The following PLEKHG3 variants were observed in gnomAD, a reference collection of about 807,000 sequenced individuals.
PLEKHG3 encodes the protein pleckstrin homology domain-containing family G member 3.
In PLEKHG3, 62 loss-of-function variants were observed where a neutral mutation model predicts 94.9. That is an observed-to-expected ratio of 0.65 (90% CI 0.53 to 0.81). The LOEUF is 0.81. Among genes scored for constraint, PLEKHG3 ranks in the 30% least tolerant of loss-of-function variants. The pLI is 0.00. For synonymous variants in PLEKHG3, 614 were observed against 654.0 expected, an observed-to-expected ratio of 0.94 and a Z score of 0.93; for missense variants, 1,461 against 1,619.3, an observed-to-expected ratio of 0.90 and a Z score of 1.68.
chr14:64,715,328 C>G lies in PLEKHG3; in HGVS notation c.-40+10624C>G, dbSNP rs1286865392. On this transcript the variant is annotated intron_variant, in intron 1 of 16. Coordinates refer to ENST00000247226, the MANE Select transcript of PLEKHG3 (RefSeq NM_001308147.2). The surrounding 1 kb of genome is among the most constrained non-coding windows in gnomAD (Gnocchi z 4.4). The stretch of plus-strand genomic sequence containing the variant: ...AGGTTGTGGAGAGAATGGTGAAAGG[C>G]ACAGGGAGTGTGGATTCCAGCAAAC... Among the ~76,000 whole-genome samples, 1 of 152,174 alleles carries G rather than the reference C, an allele frequency of 6.6e-6. No homozygotes were observed. Among genetic ancestry groups the G allele is most frequent in the Non-Finnish European group, 1.5e-5 (1 of 68,040 alleles).
chr14:64,732,896 A>T lies in PLEKHG3; in HGVS notation c.1340A>T (p.Gln447Leu). ...ACCAATGTGCGCCAGGGGCGCCGGC[A>T]ATCTGGTAAGAGAAGGGCTGTGGAG... The part of the protein sequence containing the change: ...VSTNVRQGRR[Q>L]SEPTKHLLRQ... The change falls in exon 12 of 17, where the codon CAA becomes CTA. Residue 447 changes from glutamine to leucine, a missense_variant. Transcript: ENST00000247226. This position sits in a 1 kb window ranked among gnomAD's most constrained non-coding sequence, Gnocchi z 4.9. 1 of 1,599,162 alleles carries T rather than the reference A, an allele frequency of 6.3e-7. No individual in the cohort carries two copies. The highest frequency in any genetic ancestry group is 8.5e-7 in the Non-Finnish European group (1 of 1,171,288).
Position 64,741,678 on chromosome 14 carries a change from A to G in PLEKHG3, c.2161A>G (p.Lys721Glu), listed in dbSNP as rs779577735. The stretch of plus-strand genomic sequence containing the variant: ...AGACCGGCTGTTGCTAGACAAGATT[A>G]AGAGCTATTATGAAAATGCAGAACA... Reference protein sequence around the residue: ...TRDRLLLDKIKSYYENAEHHD... With the variant: ...TRDRLLLDKIESYYENAEHHD... Residue 721 changes from lysine to glutamate, a missense_variant, in exon 16 of 17, where the codon AAG becomes GAG. Lys to Glu is a moderately conservative substitution (Grantham distance 56, BLOSUM62 1). Coordinates refer to ENST00000247226, the MANE Select transcript of PLEKHG3 (RefSeq NM_001308147.2). 1.1e-5 allele frequency: 18 copies of G among 1,613,048 alleles called. No homozygotes were observed. Among genetic ancestry groups the G allele is most frequent in the Non-Finnish European group, 1.5e-5 (18 of 1,180,038 alleles).
rs150951361 is a variant in PLEKHG3 at position 64,742,161 on chromosome 14, C to G, written c.2644C>G (p.Arg882Gly). Reference protein sequence around the residue: ...TEGRSPAHLARELKELVKELS... With the variant: ...TEGRSPAHLAGELKELVKELS... ...GGGGCGCAGCCCGGCCCACCTGGCC[C>G]GGGAGCTGAAAGAGCTGGTGAAGGA... is the stretch of plus-strand genomic sequence containing the variant. Residue 882 changes from arginine to glycine, a missense_variant, in exon 16 of 17, where the codon CGG (arginine) becomes GGG (glycine). Transcript: ENST00000247226. 1.2e-3 allele frequency: 1,856 copies of G among 1,612,140 alleles called. 1 individual carries two copies. The highest frequency in any genetic ancestry group is 1.4e-3 in the Non-Finnish European group (1,635 of 1,179,988).
At position 64,723,588 on chromosome 14, in the gene PLEKHG3, C is replaced by T. The variant is rs2081302212; in HGVS notation, c.-39-4005C>T. 6.6e-6 allele frequency among the ~76,000 whole-genome samples: 1 copy of T among 152,190 alleles called. No individual in the cohort carries two copies. Among genetic ancestry groups the T allele is most frequent in the Admixed American group, 6.5e-5 (1 of 15,308 alleles). On this transcript the variant is annotated intron_variant, in intron 1 of 16. Coordinates refer to ENST00000247226, the MANE Select transcript of PLEKHG3 (RefSeq NM_001308147.2). This position sits in a 1 kb window ranked among gnomAD's most constrained non-coding sequence, Gnocchi z 4.5. ...CGATCTCAGCTCACTGAAACATCTGCCTTCCAGGTTCAAGCGATTCTTCTG... is the reference window on the plus strand; with the variant it reads ...CGATCTCAGCTCACTGAAACATCTGTCTTCCAGGTTCAAGCGATTCTTCTG...
In PLEKHG3 at chr14:64,741,415, G is replaced by A. The variant is rs138535740; in HGVS notation, c.1898G>A (p.Arg633Gln). 96 of 1,612,906 alleles carry A rather than the reference G, an allele frequency of 6.0e-5. No individual in the cohort carries two copies. In the African/African-American group the frequency reaches 1.2e-3, roughly 19 times the overall value. ...DSKSSGFGSPRLVSRSSSVLS... is the reference protein window; with the variant it reads ...DSKSSGFGSPQLVSRSSSVLS... Reference sequence around the variant, plus strand: ...AAGTCCAGTGGCTTTGGGAGCCCGCGGCTGGTCAGCCGGAGCAGCAGCGTG... The same window carrying A: ...AAGTCCAGTGGCTTTGGGAGCCCGCAGCTGGTCAGCCGGAGCAGCAGCGTG... The change falls in exon 16 of 17, where the codon CGG (arginine) becomes CAG (glutamine). Residue 633 changes from arginine to glutamine, a missense_variant. Physicochemically the swap from Arg to Gln is conservative, Grantham distance 43. Transcript: ENST00000247226.
intron 16 of PLEKHG3, 131 bp downstream of exon 16, chr14:64,742,586 A>C: frequency 2.9e-6 from 2 of 684,688 alleles, no homozygotes; most frequent in Non-Finnish European, 4.8e-6. Flanking sequence ...GACCCTGGGC[A>C]CTAAGGGCAC....
chr14:64,710,200 C>T (rs890203338), intron 1 of PLEKHG3, among the ~76,000 whole-genome samples: 1 of 152,172 alleles, frequency 6.6e-6, no homozygotes, highest in African/African-American at 2.4e-5. Flanking sequence ...CCTCTCCTAC[C>T]CTAAACTCTT....
In PLEKHG3 at chr14:64,721,415, A is replaced by T. The variant is rs567385339; in HGVS notation, c.-39-6178A>T. 2.6e-5 allele frequency among the ~76,000 whole-genome samples: 4 copies of T among 152,270 alleles called. No homozygotes were observed. The South Asian group carries it at 8.3e-4, about 32-fold the overall frequency. On this transcript the variant is annotated intron_variant, in intron 1 of 16. Coordinates refer to ENST00000247226, the MANE Select transcript of PLEKHG3 (RefSeq NM_001308147.2). The surrounding 1 kb of genome is among the most constrained non-coding windows in gnomAD (Gnocchi z 4.3). ...AGGCCCAGGCTTTCTCCTGGAGTCC[A>T]TGTGGGAGGGCTCCCCTGGCAACAC...
In PLEKHG3 at chr14:64,742,409, T is replaced by C. The variant is rs374206442; in HGVS notation, c.2892T>C (p.Thr964=). 1.9e-6 allele frequency: 3 copies of C among 1,612,540 alleles called. No individual in the cohort carries two copies. Among genetic ancestry groups the C allele is most frequent in the Non-Finnish European group, 2.5e-6 (3 of 1,179,972 alleles). The change falls in exon 16 of 17, where the codon ACT becomes ACC. Residue 964 remains threonine, a synonymous_variant. Transcript: ENST00000247226. ...VAPERDGKSP[T]VPCLQEEAGE... ...CTGAGAGGGATGGGAAGAGCCCCAC[T>C]GTGCCCTGTCTACAGGAAGAGGCTG...
At chr14:64,735,580 C>A (rs1426712117) in intron 12 of PLEKHG3, among the ~76,000 whole-genome samples, 1 of 152,210 alleles carries the variant, frequency 6.6e-6, no homozygotes, top group African/African-American at 2.4e-5. Flanking sequence ...CCTGCACCCA[C>A]CCAGCCTGGC....
At position 64,742,153 on chromosome 14, in the gene PLEKHG3, A is replaced by T; in HGVS notation, c.2636A>T (p.His879Leu). Residue 879 changes from histidine (H) to leucine (L), a missense_variant, in exon 16 of 17, where the codon CAC (histidine) becomes CTC (leucine). By Grantham distance (99) the His-to-Leu change is moderately conservative. Transcript: ENST00000247226. ...CCCACTGAGGGGCGCAGCCCGGCCC[A>T]CCTGGCCCGGGAGCTGAAAGAGCTG... ...SSPTEGRSPA[H>L]LARELKELVK... 1.2e-6 allele frequency: 2 copies of T among 1,612,048 alleles called. No homozygotes were observed. The highest frequency in any genetic ancestry group is 1.1e-5 in the South Asian group (1 of 91,082).
At position 64,741,965 on chromosome 14, in the gene PLEKHG3, G is replaced by T. The variant is rs770690653; in HGVS notation, c.2448G>T (p.Lys816Asn). ...TCCGCCCATCTTCAGAAATTGTGAA[G>T]ATCTGGGAGGGAATGGAGTCTTCCG... ...AEFRPSSEIV[K>N]IWEGMESSGG... The change falls in exon 16 of 17, where the codon AAG becomes AAT. Residue 816 changes from lysine (K) to asparagine (N), a missense_variant. Physicochemically the swap from Lys to Asn is moderately conservative, Grantham distance 94. This residue lies in a region of PLEKHG3 where 1,201 missense variants were observed against 1,295.5 expected (regional missense o/e 0.93). Transcript: ENST00000247226. The T allele has an allele frequency of 1.9e-6, 3 of 1,576,308 alleles. No individual in the cohort carries two copies. The South Asian group carries it at 3.6e-5, about 19-fold the overall frequency.
chr14:64,704,955 C>A lies in PLEKHG3; in HGVS notation c.-40+251C>A, dbSNP rs1305872508. 1.3e-5 allele frequency among the ~76,000 whole-genome samples: 2 copies of A among 152,188 alleles called. No homozygotes were observed. The highest frequency in any genetic ancestry group is 2.9e-5 in the Non-Finnish European group (2 of 68,034). On this transcript the variant is annotated intron_variant, in intron 1 of 16. Coordinates refer to ENST00000247226, the MANE Select transcript of PLEKHG3 (RefSeq NM_001308147.2). The surrounding 1 kb of genome is among the most constrained non-coding windows in gnomAD (Gnocchi z 5.6). ...TTTCTGTCTTTTTTTCCCTCCACTC[C>A]GGAAACAAAAGGGGCAAATGCGCCG...
Position 64,716,019 on chromosome 14 carries a change from G to C in PLEKHG3, c.-40+11315G>C, listed in dbSNP as rs532258712. The C allele has an allele frequency of 7.9e-5, 36 of 456,164 alleles. No individual in the cohort carries two copies. Among genetic ancestry groups the C allele is most frequent in the African/African-American group, 6.6e-4 (33 of 50,210 alleles). 28.3% of individuals were successfully genotyped at this position (456,164 alleles called of 1,614,324 possible). A position where few individuals can be genotyped will look rare whatever the true frequency, so the allele number is the denominator to read the frequency against. ...GCCTGTTAACTGCTAGGTTGCCGGT[G>C]CTGGGGACAATGCGGCTGCCCGGCC... is the stretch of plus-strand genomic sequence containing the variant. On this transcript the variant is annotated intron_variant, in intron 1 of 16. Coordinates refer to ENST00000247226, the MANE Select transcript of PLEKHG3 (RefSeq NM_001308147.2). This position sits in a 1 kb window ranked among gnomAD's most constrained non-coding sequence, Gnocchi z 5.0.
rs1018593543 is a variant in PLEKHG3 at position 64,728,176 on chromosome 14, G to A, written c.351+194G>A. 6.6e-6 allele frequency among the ~76,000 whole-genome samples: 1 copy of A among 152,228 alleles called. No individual in the cohort carries two copies. On this transcript the variant is annotated intron_variant, in intron 2 of 16. Transcript: ENST00000247226. This position sits in a 1 kb window ranked among gnomAD's most constrained non-coding sequence, Gnocchi z 5.9. ...TTGGGCCAGATCAGTAGCTTGGGCC[G>A]ACAGGAGTGAGCATCGTTGATAGGG... is the stretch of plus-strand genomic sequence containing the variant.
At chr14:64,736,140 C>T (rs1162664249) in intron 12 of PLEKHG3, among the ~76,000 whole-genome samples, 4 of 152,226 alleles carry the variant, frequency 2.6e-5, no homozygotes, top group African/African-American at 4.8e-5. Flanking sequence ...TATGGATAGG[C>T]GAAGGCCGAG....
In PLEKHG3 at chr14:64,741,398, T is replaced by C; in HGVS notation, c.1881T>C (p.Ser627=). The C allele has an allele frequency of 6.2e-7, 1 of 1,613,186 alleles. No individual in the cohort carries two copies. The highest frequency in any genetic ancestry group is 1.1e-5 in the South Asian group (1 of 91,082). ...SSVAQEDSKS[S]GFGSPRLVSR... is the part of the protein sequence containing the mutation. The stretch of plus-strand genomic sequence containing the variant: ...TGGCACAGGAGGACAGCAAGTCCAG[T>C]GGCTTTGGGAGCCCGCGGCTGGTCA... The change falls in exon 16 of 17, where the codon AGT becomes AGC. Residue 627 remains serine (S), a synonymous_variant. Transcript: ENST00000247226.
Position 64,728,022 on chromosome 14 carries a change from A to ATACTGT in PLEKHG3, c.351+40_351+41insTACTGT. The stretch of plus-strand genomic sequence containing the variant: ...CCTTGCGGCACAGTATTCTAGCAGA[A>ATACTGT]GCCTGTTTCACCCTGGGAGGGAAGC... On this transcript the variant is annotated intron_variant, in intron 2 of 16. Transcript: ENST00000247226. The surrounding 1 kb of genome is among the most constrained non-coding windows in gnomAD (Gnocchi z 5.9). 1 of 1,280,574 alleles carries ATACTGT rather than the reference A, an allele frequency of 7.8e-7. No individual in the cohort carries two copies. Among genetic ancestry groups the ATACTGT allele is most frequent in the Non-Finnish European group, 1.1e-6 (1 of 937,018 alleles). 79.3% of individuals were successfully genotyped at this position (1,280,574 alleles called of 1,614,324 possible). A position where few individuals can be genotyped will look rare whatever the true frequency, so the allele number is the denominator to read the frequency against.
chr14:64,731,654 C>A lies in PLEKHG3; in HGVS notation c.1033-60C>A, dbSNP rs2081467572. On this transcript the variant is annotated intron_variant, in intron 8 of 16. Transcript: ENST00000247226. This position sits in a 1 kb window ranked among gnomAD's most constrained non-coding sequence, Gnocchi z 6.1. ...TCCAGCACCACCCTTCTGAGATCAC[C>A]CTCCCTGCTTCCCCAGGCTGTCAAC... is the stretch of plus-strand genomic sequence containing the variant. The A allele has an allele frequency of 2.0e-6, 3 of 1,511,900 alleles. No individual in the cohort carries two copies. Among genetic ancestry groups the A allele is most frequent in the Admixed American group, 1.7e-5 (1 of 59,856 alleles). The allele number at this position is 1,511,900 out of a possible 1,614,324, so 93.7% of individuals were successfully genotyped here.
Sources: gnomAD v4.1 joint callset for allele counts (sites outside exome capture counted in the v4.1 genomes callset) on GRCh38, gnomAD v4.1.1 for gene constraint, gnomAD v4.1.1 regional missense constraint, Gnocchi (gnomAD v3.1) non-coding constraint, MANE v1.5 for transcripts, NCBI Gene and HGNC (gene_info 2026-07-23, HGNC 2026-07-21) for gene names.